SPIRE1: variants seen among roughly 807,000 people sequenced by gnomAD.
The protein encoded by SPIRE1 is protein spire homolog 1.
Under a neutral mutation model 94.1 loss-of-function variants are expected in SPIRE1, and 40 were observed. The observed-to-expected ratio is 0.43, with a 90% confidence interval of 0.33 to 0.55. SPIRE1 has a LOEUF of 0.55. Ranked by LOEUF, SPIRE1 falls within the 20% of genes least tolerant of loss-of-function variation. The pLI, the probability that SPIRE1 is intolerant of heterozygous loss-of-function variation, is 0.06. For missense variants in SPIRE1, 838 were observed against 975.2 expected, an observed-to-expected ratio of 0.86 and a Z score of 1.87; for synonymous variants, 376 against 371.7, an observed-to-expected ratio of 1.01 and a Z score of -0.13.
In SPIRE1 at chr18:12,519,597, A is replaced by C. The variant is rs547034067; in HGVS notation, c.730-7066T>G. 5.9e-5 allele frequency among the ~76,000 whole-genome samples: 7 copies of C among 118,072 alleles called. No homozygotes were observed. In the East Asian group the frequency reaches 2.9e-3, roughly 49 times the overall value. 77.5% of individuals were successfully genotyped at this position (118,072 alleles called of 152,430 possible). ...CAGACAATATTACAAATTATATCAC[A>C]AAGTTATTTTCTTAATAAATAAAGA... On this transcript the variant is annotated intron_variant, in intron 4 of 16. Coordinates refer to ENST00000409402, the MANE Select transcript of SPIRE1 (RefSeq NM_001128626.2).
rs143357797 is a variant in SPIRE1, at chr18:12,493,186, G to A, written c.1075C>T (p.Leu359=). The part of the protein sequence containing the change: ...PPLNPVSARK[L]KPTPPRPRSL... ...CGTGGCCGTGGTGGAGTTGGTTTCA[G>A]TTTTCTGGCTGAGACCTTGAAAGTA... is the stretch of plus-strand genomic sequence containing the variant. Residue 359 remains leucine, a synonymous_variant, in exon 8 of 17, where the codon CTG becomes TTG. Transcript: ENST00000409402. 1.3e-4 allele frequency: 208 copies of A among 1,612,000 alleles called. No homozygotes were observed. Among genetic ancestry groups the A allele is most frequent in the Non-Finnish European group, 1.7e-4 (204 of 1,179,594 alleles).
intron 2 of SPIRE1, among the ~76,000 whole-genome samples, chr18:12,580,164 G>A (rs575033945): frequency 2.6e-5 from 4 of 152,120 alleles, no homozygotes; most frequent in Non-Finnish European, 4.4e-5. Context: ...CAGGCAGGTG[G>A]ACTGGACAGT....
At chr18:12,619,157 A>C (rs549048065) in intron 2 of SPIRE1, among the ~76,000 whole-genome samples, 1 of 152,260 alleles carries the variant, frequency 6.6e-6, no homozygotes, top group East Asian at 1.9e-4. Flanking sequence ...CGGCCTCCCA[A>C]AGTACTGGGA....
intron 2 of SPIRE1, among the ~76,000 whole-genome samples, chr18:12,572,686 A>C (rs556544013): frequency 6.6e-6 from 1 of 152,342 alleles, no homozygotes; most frequent in South Asian, 2.1e-4. Context: ...GAAATGATAA[A>C]ATAGATCAAT....
intron 9 of SPIRE1, among the ~76,000 whole-genome samples, chr18:12,483,822 C>T (rs1394453315): frequency 6.6e-6 from 1 of 152,086 alleles, no homozygotes; most frequent in Non-Finnish European, 1.5e-5. Context: ...AAGAATGAAT[C>T]AATCTTTTCT....
Position 12,504,068 on chromosome 18 carries a change from T to C in SPIRE1, c.972+2409A>G, listed in dbSNP as rs969410218. 9.5e-5 allele frequency among the ~76,000 whole-genome samples: 14 copies of C among 147,774 alleles called. 2 individuals carry two copies. The highest frequency in any genetic ancestry group is 3.3e-4 in the African/African-American group (13 of 39,486). Reference sequence around the variant, plus strand: ...CTGTCTGAACTTGGGAAGTTACTACTGAGCATCTTTAAATTTCAGTTTCCT... The same window carrying C: ...CTGTCTGAACTTGGGAAGTTACTACCGAGCATCTTTAAATTTCAGTTTCCT... On this transcript the variant is annotated intron_variant, in intron 6 of 16. Transcript: ENST00000409402.
rs142837400 is a variant in SPIRE1 at position 12,510,648 on chromosome 18, T to G, written c.807+1806A>C. Among the ~76,000 whole-genome samples, 392 of 152,086 alleles carry G rather than the reference T, an allele frequency of 2.6e-3. 1 individual carries two copies. The highest frequency in any genetic ancestry group is 9.1e-3 in the African/African-American group (376 of 41,482). On this transcript the variant is annotated intron_variant, in intron 5 of 16. Transcript: ENST00000409402. Reference sequence around the variant, plus strand: ...ACCTCCACCTCCCAGGTTCAAGCTATTCTCCTGCCTCAGCCTCCCAAGTAG... The same window carrying G: ...ACCTCCACCTCCCAGGTTCAAGCTAGTCTCCTGCCTCAGCCTCCCAAGTAG...
intron 9 of SPIRE1, among the ~76,000 whole-genome samples, chr18:12,480,230 A>G (rs1335359475): frequency 6.6e-6 from 1 of 152,238 alleles, no homozygotes; most frequent in Non-Finnish European, 1.5e-5. Context: ...GAGAGGACAC[A>G]CACAAAGCCT....
chr18:12,643,074 G>T (rs542316248), intron 1 of SPIRE1, among the ~76,000 whole-genome samples: 1 of 151,836 alleles, frequency 6.6e-6, no homozygotes, highest in African/African-American at 2.4e-5. Flanking sequence ...ACTATGTATA[G>T]TATATGTAGT....
intron 2 of SPIRE1, among the ~76,000 whole-genome samples, chr18:12,604,958 C>G (rs1360559839): frequency 2.6e-5 from 4 of 152,182 alleles, no homozygotes; most frequent in African/African-American, 4.8e-5. Flanking sequence ...CATGGTTGAA[C>G]CTTGAGGACA....
intron 2 of SPIRE1, among the ~76,000 whole-genome samples, chr18:12,613,772 C>T (rs991689277): frequency 1.3e-5 from 2 of 152,006 alleles, no homozygotes; most frequent in East Asian, 3.9e-4. Context: ...AGGTGGCATG[C>T]GCCTGCAATC....
chr18:12,513,263 T>C (rs1159838882), intron 4 of SPIRE1, among the ~76,000 whole-genome samples: 1 of 152,118 alleles, frequency 6.6e-6, no homozygotes, highest in Non-Finnish European at 1.5e-5. Flanking sequence ...TAAGAAAATC[T>C]TGGTTGCTAA....
intron 2 of SPIRE1, among the ~76,000 whole-genome samples, chr18:12,550,737 TG>T (rs1567927149): frequency 6.6e-6 from 1 of 152,204 alleles, no homozygotes; most frequent in Non-Finnish European, 1.5e-5. Context: ...CTGAAACCAC[TG>T]AAACACAAAT....
chr18:12,538,354 T>C (rs2034905116), intron 3 of SPIRE1, among the ~76,000 whole-genome samples: 1 of 152,190 alleles, frequency 6.6e-6, no homozygotes. Context: ...TTATTTAACA[T>C]TGCTGGGTTT....
At chr18:12,621,798 C>T (rs986486914) in intron 2 of SPIRE1, among the ~76,000 whole-genome samples, 2 of 151,946 alleles carry the variant, frequency 1.3e-5, no homozygotes, top group African/African-American at 4.8e-5. Flanking sequence ...TCTCAAAAAC[C>T]GCAAATTGGG....
At chr18:12,467,134 G>T (rs993114923) in intron 10 of SPIRE1, among the ~76,000 whole-genome samples, 3 of 152,076 alleles carry the variant, frequency 2.0e-5, no homozygotes. Context: ...ATAAAAATTA[G>T]CTGGATGGTG....
At chr18:12,580,315 TTCTC>T (rs936037654) in intron 2 of SPIRE1, among the ~76,000 whole-genome samples, 3 of 151,784 alleles carry the variant, frequency 2.0e-5, no homozygotes, top group South Asian at 2.1e-4. Flanking sequence ...TAATAATGTG[TTCTC>T]TCTCTCTCTC....
chr18:12,608,951 G>A (rs2037062856), intron 2 of SPIRE1, among the ~76,000 whole-genome samples: 1 of 152,174 alleles, frequency 6.6e-6, no homozygotes, highest in African/African-American at 2.4e-5. Context: ...TTACACGGAA[G>A]ACAATTTTTC....
intron 10 of SPIRE1, among the ~76,000 whole-genome samples, chr18:12,473,104 T>A (rs957990839): frequency 6.6e-6 from 1 of 152,172 alleles, no homozygotes; most frequent in Non-Finnish European, 1.5e-5. Flanking sequence ...CAAATTTTTG[T>A]AGAGATGGGG....
Sources: allele counts gnomAD v4.1 joint callset (sites outside exome capture counted in the v4.1 genomes callset), GRCh38; gene constraint gnomAD v4.1.1; transcripts MANE v1.5; gene names NCBI Gene and HGNC (gene_info 2026-07-23, HGNC 2026-07-21).